Variants in GTPBP10 observed in about 807,000 individuals in gnomAD.
The protein encoded by GTPBP10 is GTP binding protein 10.
GTPBP10 carries 38 observed loss-of-function variants against 44.8 expected under a neutral mutation model. That is an observed-to-expected ratio of 0.85 (90% CI 0.65 to 1.11). The LOEUF (loss-of-function observed/expected upper bound fraction) is 1.11. GTPBP10 is among the 50% of genes most tolerant of loss of function. The probability of loss-of-function intolerance (pLI) is 0.00; values close to 1 mark genes in which losing one functional copy is unlikely to be tolerated. For synonymous variants in GTPBP10, 152 were observed against 150.6 expected (o/e 1.01, Z -0.07); for missense variants, 462 against 453.7 (o/e 1.02, Z -0.17).
At position 90,387,505 on chromosome 7, in the gene GTPBP10, A is replaced by G. The variant is rs1030478334; in HGVS notation, c.*2351A>G. ...TGTTCTCAGCTTAAATTTTTTTCTGATTTGACAACATGAGTGATGTTTTCC... is the reference window on the plus strand; with the variant it reads ...TGTTCTCAGCTTAAATTTTTTTCTGGTTTGACAACATGAGTGATGTTTTCC... On this transcript the variant is annotated 3_prime_UTR_variant, in exon 10 of 10. Coordinates refer to ENST00000222511, the MANE Select transcript of GTPBP10 (RefSeq NM_033107.4). 6.6e-6 allele frequency: 1 copy of G among 152,126 alleles called. No homozygotes were observed. The highest frequency in any genetic ancestry group is 1.5e-5 in the Non-Finnish European group (1 of 68,006). 9.4% of individuals were successfully genotyped at this position (152,126 alleles called of 1,614,324 possible).
chr7:90,346,729 G>T lies in GTPBP10; in HGVS notation c.-13G>T. ...GCCGCTTCCGCAAGAAGGTTTCCTG[G>T]CCTGTTGCAGCCATGGTGCATTGCA... On this transcript the variant is annotated 5_prime_UTR_variant, in exon 1 of 10. Coordinates refer to ENST00000222511, the MANE Select transcript of GTPBP10 (RefSeq NM_033107.4). The T allele has an allele frequency of 1.9e-6, 3 of 1,614,220 alleles. No individual in the cohort carries two copies. The highest frequency in any genetic ancestry group is 1.1e-5 in the South Asian group (1 of 91,086).
chr7:90,355,026 T>C, intron 3 of GTPBP10, 60 bp from the exon 4 acceptor site: 1 of 1,044,780 alleles, frequency 9.6e-7, no homozygotes, highest in Non-Finnish European at 1.4e-6. Flanking sequence ...AAGAAATATA[T>C]TGCATTAGTG....
At chr7:90,359,857 T>C (rs1349671850) in intron 4 of GTPBP10, among the ~76,000 whole-genome samples, 1 of 152,252 alleles carries the variant, frequency 6.6e-6, no homozygotes, top group African/African-American at 2.4e-5. Context: ...AGATGGTATC[T>C]CCTTGTGGTT....
In GTPBP10 at chr7:90,351,677, G is replaced by C. The variant is rs546782656; in HGVS notation, c.34-1139G>C. On this transcript the variant is annotated intron_variant, in intron 1 of 9. Coordinates refer to ENST00000222511, the MANE Select transcript of GTPBP10 (RefSeq NM_033107.4). ...GTTCAAGGGTCAACTGTAGTACTAA[G>C]AATTTTTTACTTTATTTCATAAGCA... Among the ~76,000 whole-genome samples, 17 of 152,220 alleles carry C rather than the reference G, an allele frequency of 1.1e-4. No individual in the cohort carries two copies. The East Asian group carries it at 2.9e-3, about 26-fold the overall frequency.
In GTPBP10 at chr7:90,387,985, C is replaced by T. The variant is rs1467356780; in HGVS notation, c.*2831C>T. 1.3e-5 allele frequency: 2 copies of T among 152,126 alleles called. No homozygotes were observed. Among genetic ancestry groups the T allele is most frequent in the Non-Finnish European group, 2.9e-5 (2 of 68,022 alleles). The allele number at this position is 152,126 out of a possible 1,614,324, so 9.4% of individuals were successfully genotyped here. A position where few individuals can be genotyped will look rare whatever the true frequency, so the allele number is the denominator to read the frequency against. Reference sequence around the variant, plus strand: ...ACTGACACCATAATCTCATTTTGCACTGTGGCAAAGGGTAGTAGATGTGTG... The same window carrying T: ...ACTGACACCATAATCTCATTTTGCATTGTGGCAAAGGGTAGTAGATGTGTG... On this transcript the variant is annotated 3_prime_UTR_variant, in exon 10 of 10. Transcript: ENST00000222511.
intron 2 of GTPBP10, 86 bp from the exon 3 acceptor site, chr7:90,354,369 CTCT>C: frequency 1.8e-6 from 1 of 556,068 alleles, no homozygotes; most frequent in Non-Finnish European, 3.0e-6. Flanking sequence ...TTGATTGCTA[CTCT>C]TCTTTGTAAA....
intron 1 of GTPBP10, among the ~76,000 whole-genome samples, chr7:90,351,558 T>G (rs1263110382): frequency 6.6e-6 from 1 of 152,254 alleles, no homozygotes; most frequent in Non-Finnish European, 1.5e-5. Context: ...TTTGTAAGTT[T>G]TTTCAAATTG....
chr7:90,350,617 A>G (rs960253373), intron 1 of GTPBP10, among the ~76,000 whole-genome samples: 6 of 152,102 alleles, frequency 3.9e-5, no homozygotes, highest in African/African-American at 1.4e-4. Flanking sequence ...TTATTGTATT[A>G]GTCTATGTTT....
intron 4 of GTPBP10, among the ~76,000 whole-genome samples, chr7:90,369,042 G>T (rs185491510): frequency 1.3e-5 from 2 of 152,208 alleles, no homozygotes; most frequent in South Asian, 4.1e-4. Context: ...CCTTCTAACA[G>T]TCGGGCTTCT....
At chr7:90,375,097 T>C (rs1207232544) in intron 6 of GTPBP10, among the ~76,000 whole-genome samples, 7 of 152,038 alleles carry the variant, frequency 4.6e-5, no homozygotes, top group Non-Finnish European at 8.8e-5. Context: ...GAACCTTAAA[T>C]GCGTAATACT....
chr7:90,364,628 G>A (rs189682966), intron 4 of GTPBP10, among the ~76,000 whole-genome samples: 30 of 152,312 alleles, frequency 2.0e-4, no homozygotes, highest in Middle Eastern at 3.4e-3. Context: ...CTCAAACTCC[G>A]TGCTGGGAGA....
At chr7:90,348,742 A>C (rs1050905465) in intron 1 of GTPBP10, among the ~76,000 whole-genome samples, 53 of 152,058 alleles carry the variant, frequency 3.5e-4, no homozygotes, top group East Asian at 7.7e-4. Context: ...TCTTTCCCCC[A>C]AAAAAATGTT....
In GTPBP10 at chr7:90,388,289, CTT is replaced by C. The variant is rs1316908414; in HGVS notation, c.*3138_*3139del. 2.0e-5 allele frequency: 3 copies of C among 152,186 alleles called. No homozygotes were observed. Among genetic ancestry groups the C allele is most frequent in the East Asian group, 3.9e-4 (2 of 5,186 alleles). The allele number at this position is 152,186 out of a possible 1,614,324, so 9.4% of individuals were successfully genotyped here. A position where few individuals can be genotyped will look rare whatever the true frequency, so the allele number is the denominator to read the frequency against. ...CATTTTATTTTGTCCTTAAGTAAGA[CTT>C]TTCATTTTTACCTTTCAAAATGCAA... is the stretch of plus-strand genomic sequence containing the variant. On this transcript the variant is annotated 3_prime_UTR_variant, in exon 10 of 10. Coordinates refer to ENST00000222511, the MANE Select transcript of GTPBP10 (RefSeq NM_033107.4).
chr7:90,349,969 C>T (rs1482122805), intron 1 of GTPBP10, among the ~76,000 whole-genome samples: 4 of 151,864 alleles, frequency 2.6e-5, no homozygotes, highest in African/African-American at 4.8e-5. Flanking sequence ...ATGTACACAG[C>T]GTGCAGGTTT....
intron 9 of GTPBP10, 150 bp from the exon 10 acceptor site, chr7:90,384,742 C>T: frequency 1.6e-6 from 1 of 628,010 alleles, no homozygotes; most frequent in Non-Finnish European, 2.6e-6. Flanking sequence ...TGGTAAAATC[C>T]AAAGGCTCTG....
chr7:90,365,640 T>G (rs1444609218), intron 4 of GTPBP10, among the ~76,000 whole-genome samples: 1 of 152,078 alleles, frequency 6.6e-6, no homozygotes, highest in African/African-American at 2.4e-5. Context: ...CCTCCCAAAG[T>G]GCTGGGATTA....
At chr7:90,347,546 C>A in intron 1 of GTPBP10, 2 of 602,178 alleles carry the variant, frequency 3.3e-6, no homozygotes, top group Non-Finnish European at 4.2e-6. Context: ...TCCTAAATGA[C>A]TAGAGATGTG....
intron 4 of GTPBP10, among the ~76,000 whole-genome samples, chr7:90,356,240 A>G (rs1795898350): frequency 6.6e-6 from 1 of 152,190 alleles, no homozygotes; most frequent in Non-Finnish European, 1.5e-5. Flanking sequence ...GGGTTCACAG[A>G]GGCCCCATTC....
In GTPBP10 at chr7:90,354,505, T is replaced by C. The variant is rs201709035; in HGVS notation, c.275T>C (p.Val92Ala). The change falls in exon 3 of 10, where the codon GTG becomes GCG. Residue 92 changes from valine (V) to alanine (A), a missense_variant. By Grantham distance (64) the Val-to-Ala change is moderately conservative. Transcript: ENST00000222511. ...AAAGGAAAAGACTGTGAAATCCCTG[T>C]GCCTGTGGGTATTTCAGTAACTGAT... The part of the protein sequence containing the change: ...GSKGKDCEIP[V>A]PVGISVTDEN... The C allele has an allele frequency of 1.3e-6, 2 of 1,589,978 alleles. No homozygotes were observed. The highest frequency in any genetic ancestry group is 1.7e-6 in the Non-Finnish European group (2 of 1,168,384).
Sources: allele counts gnomAD v4.1 joint callset (sites outside exome capture counted in the v4.1 genomes callset), GRCh38; gene constraint gnomAD v4.1.1; transcripts MANE v1.5; gene names NCBI Gene and HGNC (gene_info 2026-07-23, HGNC 2026-07-21).